Variants in TRAF5 observed in about 807,000 individuals in gnomAD.
TRAF5 encodes the protein TNF receptor associated factor 5.
In TRAF5, 48 loss-of-function variants were observed where a neutral mutation model predicts 64.5. The ratio of observed to expected loss-of-function variants is 0.74; its 90% CI spans 0.59 to 0.95. TRAF5 has a LOEUF of 0.95. Among genes scored for constraint, TRAF5 ranks in the 40% least tolerant of loss-of-function variants. The pLI is 0.00. For synonymous variants in TRAF5, 206 were observed against 240.5 expected, an observed-to-expected ratio of 0.86 and a Z score of 1.33; for missense variants, 545 against 662.8, an observed-to-expected ratio of 0.82 and a Z score of 1.95.
chr1:211,326,888 A>G lies in TRAF5; in HGVS notation c.-3A>G, dbSNP rs1702029867. On this transcript the variant is annotated splice_region_variant and 5_prime_UTR_variant, in exon 1 of 11. Transcript: ENST00000261464. The surrounding 1 kb of genome is among the most constrained non-coding windows in gnomAD (Gnocchi z 5.0). ...TCGCGGAGCCCGCGCGCCGAGCCCC[A>G]CGTGAGTCCGGCGGGTCGCCGCCCT... 1.0e-5 allele frequency: 10 copies of G among 985,126 alleles called. No homozygotes were observed. The highest frequency in any genetic ancestry group is 1.2e-5 in the Non-Finnish European group (10 of 829,592). 61.0% of individuals were successfully genotyped at this position (985,126 alleles called of 1,614,324 possible). A position where few individuals can be genotyped will look rare whatever the true frequency, so the allele number is the denominator to read the frequency against.
chr1:211,373,754 AGACAGAGTTTCATT>A lies in TRAF5; in HGVS notation c.*1054_*1067del, dbSNP rs1285208783. On this transcript the variant is annotated 3_prime_UTR_variant, in exon 11 of 11. Transcript: ENST00000261464. ...CTATTCTCTGATAACTTTTTTTTTGAGACAGAGTTTCATTGTCACCCAGGCTGGAGTACAGTGGC... is the reference window on the plus strand; with the variant it reads ...CTATTCTCTGATAACTTTTTTTTTGAGTCACCCAGGCTGGAGTACAGTGGC... The A allele has an allele frequency of 2.0e-5, 3 of 151,986 alleles. No individual in the cohort carries two copies. Among genetic ancestry groups the A allele is most frequent in the Non-Finnish European group, 4.4e-5 (3 of 67,960 alleles). 9.4% of individuals were successfully genotyped at this position (151,986 alleles called of 1,614,324 possible). A position where few individuals can be genotyped will look rare whatever the true frequency, so the allele number is the denominator to read the frequency against.
At chr1:211,329,969 T>C (rs1702114437) in intron 1 of TRAF5, among the ~76,000 whole-genome samples, 2 of 152,180 alleles carry the variant, frequency 1.3e-5, no homozygotes, top group South Asian at 4.1e-4. Flanking sequence ...CCTTGACCCA[T>C]ATGGCCTCCA....
At chr1:211,364,688 A>AAAACAAACAAAC (rs10677348) in intron 7 of TRAF5, among the ~76,000 whole-genome samples, 1 of 150,780 alleles carries the variant, frequency 6.6e-6, no homozygotes, top group African/African-American at 2.4e-5. Context: ...TCCATCTCAA[A>AAAACAAACAAAC]AAACAAACAA....
At chr1:211,345,756 G>T (rs1174661131) in intron 1 of TRAF5, among the ~76,000 whole-genome samples, 1 of 152,190 alleles carries the variant, frequency 6.6e-6, no homozygotes, top group Non-Finnish European at 1.5e-5. Flanking sequence ...CACAGAGAGA[G>T]GGGCCATCTG....
chr1:211,372,032 G>T, intron 10 of TRAF5, 96 bp from the exon 11 acceptor site: 1 of 1,064,570 alleles, frequency 9.4e-7, no homozygotes. Context: ...GGATTTTGTT[G>T]ATTCTCTTTC....
Position 211,360,582 on chromosome 1 carries a change from G to A in TRAF5, c.544-120G>A, listed in dbSNP as rs114325221. 1,922 of 688,500 alleles carry A rather than the reference G, an allele frequency of 2.8e-3. 33 individuals carry two copies. In the African/African-American group the frequency reaches 0.031, roughly 11 times the overall value. 42.6% of individuals were successfully genotyped at this position (688,500 alleles called of 1,614,324 possible). A position where few individuals can be genotyped will look rare whatever the true frequency, so the allele number is the denominator to read the frequency against. ...CATCTTTAATCCTTTTTTGGAATTA[G>A]GCAATAACTTCCTGTAGAGAGTAAG... On this transcript the variant is annotated intron_variant, in intron 5 of 10. Transcript: ENST00000261464.
rs1409267888 is a variant in TRAF5, at chr1:211,373,619, A to G, written c.*917A>G. 6.6e-6 allele frequency: 1 copy of G among 152,222 alleles called. No individual in the cohort carries two copies. The highest frequency in any genetic ancestry group is 2.4e-5 in the African/African-American group (1 of 41,444). 9.4% of individuals were successfully genotyped at this position (152,222 alleles called of 1,614,324 possible). Reference sequence around the variant, plus strand: ...ATAGAATTTAGTATATGATAGAGAAAATGTCATAAATGGATAAAAGGAATT... The same window carrying G: ...ATAGAATTTAGTATATGATAGAGAAGATGTCATAAATGGATAAAAGGAATT... On this transcript the variant is annotated 3_prime_UTR_variant, in exon 11 of 11. Transcript: ENST00000261464.
At position 211,372,391 on chromosome 1, in the gene TRAF5, A is replaced by AG; in HGVS notation, c.1368dup (p.Ser457ValfsTer15). ...ATACCTGAATGGGGATGGGTCAGGG[A>AG]GGGGGTCACACCTGTCCCTATACTT... On this transcript the variant is annotated frameshift_variant, in exon 11 of 11. Transcript: ENST00000261464. LOFTEE classifies it high-confidence loss of function. 6.2e-7 allele frequency: 1 copy of AG among 1,614,048 alleles called. No individual in the cohort carries two copies.
At chr1:211,359,081 G>C (rs1254028809) in intron 4 of TRAF5, 2 of 151,794 alleles carry the variant, frequency 1.3e-5, no homozygotes, top group Non-Finnish European at 2.9e-5. Flanking sequence ...TGTGTAGTTG[G>C]GACCATAGGT....
chr1:211,367,937 C>A (rs1038451434), intron 8 of TRAF5, among the ~76,000 whole-genome samples: 1 of 151,758 alleles, frequency 6.6e-6, no homozygotes, highest in African/African-American at 2.4e-5. Context: ...ACCAAAACAA[C>A]AACAAAAAGC....
At chr1:211,350,749 G>T (rs1702761346) in intron 1 of TRAF5, among the ~76,000 whole-genome samples, 1 of 152,178 alleles carries the variant, frequency 6.6e-6, no homozygotes, top group African/African-American at 2.4e-5. Context: ...AACAACAGAG[G>T]TTTCTGACAG....
intron 1 of TRAF5, among the ~76,000 whole-genome samples, chr1:211,352,334 A>G (rs72743229): frequency 4.0e-4 from 61 of 151,130 alleles, no homozygotes; most frequent in Admixed American, 9.2e-4. Context: ...TGAGAACAGC[A>G]CAGGAAAGAC....
intron 7 of TRAF5, among the ~76,000 whole-genome samples, chr1:211,363,774 T>G (rs1156586932): frequency 2.0e-5 from 3 of 152,056 alleles, no homozygotes; most frequent in Admixed American, 6.6e-5. Flanking sequence ...CAGCCAGGTG[T>G]GGTGGCGCAC....
chr1:211,342,190 T>G (rs1399324402), intron 1 of TRAF5, among the ~76,000 whole-genome samples: 1 of 152,360 alleles, frequency 6.6e-6, no homozygotes, highest in Middle Eastern at 3.4e-3. Context: ...TGTGTTCTAA[T>G]AAAACTTTAT....
At chr1:211,331,744 C>T (rs1702162737) in intron 1 of TRAF5, among the ~76,000 whole-genome samples, 3 of 152,080 alleles carry the variant, frequency 2.0e-5, no homozygotes, top group Non-Finnish European at 4.4e-5. Flanking sequence ...CAGCTCACTG[C>T]AACCTCTGCC....
At chr1:211,356,072 T>C (rs1346402181) in intron 3 of TRAF5, among the ~76,000 whole-genome samples, 1 of 152,200 alleles carries the variant, frequency 6.6e-6, no homozygotes, top group African/African-American at 2.4e-5. Flanking sequence ...TTGGCCAAGC[T>C]TCACCTCCTG....
intron 10 of TRAF5, 71 bp downstream of exon 10, chr1:211,371,541 C>T (rs1703522524): frequency 6.9e-7 from 1 of 1,444,110 alleles, no homozygotes; most frequent in East Asian, 2.3e-5. Context: ...AACCAAACAC[C>T]TGGCCAAATA....
At chr1:211,368,445 A>AT (rs2102769786) in intron 8 of TRAF5, among the ~76,000 whole-genome samples, 1 of 152,330 alleles carries the variant, frequency 6.6e-6, no homozygotes, top group African/African-American at 2.4e-5. Context: ...TGCTGGGGTC[A>AT]TAGTGGACTG....
At chr1:211,370,109 A>AT (rs749421544) in intron 9 of TRAF5, among the ~76,000 whole-genome samples, 20 of 152,130 alleles carry the variant, frequency 1.3e-4, no homozygotes, top group Non-Finnish European at 2.4e-4. Flanking sequence ...GTAGTTCTGC[A>AT]TTTTGTGGTC....
Sources: gnomAD v4.1 joint callset for allele counts (sites outside exome capture counted in the v4.1 genomes callset) on GRCh38, gnomAD v4.1.1 for gene constraint, Gnocchi (gnomAD v3.1) non-coding constraint, MANE v1.5 for transcripts, NCBI Gene and HGNC (gene_info 2026-07-23, HGNC 2026-07-21) for gene names.